EIF2B3: variants seen among roughly 807,000 people sequenced by gnomAD.
EIF2B3 encodes eukaryotic translation initiation factor 2B subunit gamma.
A neutral mutation model predicts 54.1 loss-of-function variants in EIF2B3; 20 were observed. That is an observed-to-expected ratio of 0.37 (90% CI 0.26 to 0.54). EIF2B3 has a LOEUF of 0.54. EIF2B3 is among the 20% of genes least tolerant of loss of function. The probability of loss-of-function intolerance (pLI) is 0.86; values close to 1 mark genes in which losing one functional copy is unlikely to be tolerated. For synonymous variants in EIF2B3, 153 were observed against 188.1 expected (o/e 0.81, Z 1.52); for missense variants, 448 against 547.8 (o/e 0.82, Z 1.82).
chr1:44,877,718 C>A (rs1294100457), intron 8 of EIF2B3, among the ~76,000 whole-genome samples: 18 of 152,176 alleles, frequency 1.2e-4, no homozygotes, highest in Admixed American at 1.2e-3. Context: ...GTATGGGGGG[C>A]TTTGGCTACC....
chr1:44,943,406 A>G (rs1644061083), intron 3 of EIF2B3, among the ~76,000 whole-genome samples: 1 of 150,990 alleles, frequency 6.6e-6, no homozygotes, highest in Non-Finnish European at 1.5e-5. Flanking sequence ...CTATATCTAT[A>G]TCTATATCTA....
chr1:44,879,835 T>G lies in EIF2B3; in HGVS notation c.958A>C (p.Met320Leu). 6.2e-7 allele frequency: 1 copy of G among 1,614,008 alleles called. No individual in the cohort carries two copies. Among genetic ancestry groups the G allele is most frequent in the Non-Finnish European group, 8.5e-7 (1 of 1,180,032 alleles). Reference protein sequence around the residue: ...CSRVSTLGLYMEANRQVPKLL... With the variant: ...CSRVSTLGLYLEANRQVPKLL... ...GCTCTCACCTGTCTGTTTGCTTCCATGTAGAGTCCCAGTGTGCTCACTCGA... is the reference window on the plus strand; with the variant it reads ...GCTCTCACCTGTCTGTTTGCTTCCAGGTAGAGTCCCAGTGTGCTCACTCGA... The change falls in exon 8 of 12, where the codon ATG becomes CTG. Residue 320 changes from methionine (M) to leucine (L), a missense_variant. Met to Leu is a conservative substitution (Grantham distance 15). Around this residue, in one of 3 missense-constraint regions of EIF2B3, gnomAD observed 350 missense variants for 414.2 expected, o/e 0.85. Transcript: ENST00000360403.
intron 1 of EIF2B3, among the ~76,000 whole-genome samples, chr1:44,984,919 G>C (rs951107309): frequency 6.9e-6 from 1 of 144,306 alleles, no homozygotes; most frequent in Non-Finnish European, 1.5e-5. Context: ...CCATTCTCCT[G>C]CCTCAGCCTC....
intron 7 of EIF2B3, among the ~76,000 whole-genome samples, chr1:44,880,877 C>T (rs996847882): frequency 2.0e-5 from 3 of 151,944 alleles, no homozygotes; most frequent in Admixed American, 1.3e-4. Context: ...AGGAGAATGG[C>T]GTGAACCCGG....
chr1:44,914,959 G>T (rs1643592445), intron 5 of EIF2B3, among the ~76,000 whole-genome samples: 1 of 151,738 alleles, frequency 6.6e-6, no homozygotes, highest in Non-Finnish European at 1.5e-5. Context: ...AAAGTGCTGG[G>T]ATTACAGGTG....
chr1:44,899,967 G>A (rs1042294599), intron 5 of EIF2B3, among the ~76,000 whole-genome samples: 5 of 152,188 alleles, frequency 3.3e-5, no homozygotes, highest in Non-Finnish European at 5.9e-5. Context: ...TAAAGAAAAT[G>A]TAGTGCAATA....
At chr1:44,922,518 T>C (rs1430381754) in intron 5 of EIF2B3, among the ~76,000 whole-genome samples, 2 of 135,288 alleles carry the variant, frequency 1.5e-5, no homozygotes, top group Non-Finnish European at 3.0e-5. Flanking sequence ...GCCCGGGAGG[T>C]GGAGGTTGCA....
intron 5 of EIF2B3, among the ~76,000 whole-genome samples, chr1:44,911,176 A>G (rs1172481937): frequency 2.0e-5 from 3 of 152,246 alleles, no homozygotes; most frequent in Non-Finnish European, 4.4e-5. Context: ...TTAGCTTTTA[A>G]CCAGCATCTC....
rs1654243648 is a variant in EIF2B3 at position 44,850,711 on chromosome 1, G to A, written c.*240C>T. 5.3e-6 allele frequency: 3 copies of A among 561,312 alleles called. No homozygotes were observed. The highest frequency in any genetic ancestry group is 1.9e-5 in the African/African-American group (1 of 52,880). The allele number at this position is 561,312 out of a possible 1,614,324, so 34.8% of individuals were successfully genotyped here. ...ATACATCTTGGCACACAAGAGTTAGGCCACTGTATCTGTCCTGTCCCACAC... is the reference window on the plus strand; with the variant it reads ...ATACATCTTGGCACACAAGAGTTAGACCACTGTATCTGTCCTGTCCCACAC... On this transcript the variant is annotated 3_prime_UTR_variant, in exon 12 of 12. Coordinates refer to ENST00000360403, the MANE Select transcript of EIF2B3 (RefSeq NM_020365.5).
At chr1:44,900,379 A>G (rs1643257487) in intron 5 of EIF2B3, among the ~76,000 whole-genome samples, 2 of 141,934 alleles carry the variant, frequency 1.4e-5, no homozygotes, top group South Asian at 5.0e-4. Context: ...CCCGGGAGGT[A>G]GAGGTTGCAG....
chr1:44,902,072 T>C (rs949556845), intron 5 of EIF2B3, among the ~76,000 whole-genome samples: 3 of 152,186 alleles, frequency 2.0e-5, no homozygotes, highest in African/African-American at 4.8e-5. Flanking sequence ...CTTTTCCTGT[T>C]GAGTTGCCTG....
chr1:44,870,424 G>C (rs945978641), intron 10 of EIF2B3, among the ~76,000 whole-genome samples: 4 of 151,824 alleles, frequency 2.6e-5, no homozygotes, highest in Non-Finnish European at 1.5e-5. Context: ...CACTCTTTCC[G>C]TAACTGGAAA....
chr1:44,945,508 C>T (rs535686488), intron 3 of EIF2B3, among the ~76,000 whole-genome samples: 34 of 150,546 alleles, frequency 2.3e-4, no homozygotes, highest in South Asian at 4.2e-4. Context: ...GAGCCGAGAT[C>T]GCGCCACTGC....
At chr1:44,864,663 A>G (rs1313945842) in intron 10 of EIF2B3, among the ~76,000 whole-genome samples, 3 of 152,074 alleles carry the variant, frequency 2.0e-5, no homozygotes, top group Admixed American at 2.0e-4. Flanking sequence ...TAAACTATCC[A>G]TTTTCATTTC....
chr1:44,906,216 G>A (rs563127675), intron 5 of EIF2B3, among the ~76,000 whole-genome samples: 90 of 152,222 alleles, frequency 5.9e-4, no homozygotes, highest in Non-Finnish European at 9.4e-4. Context: ...CTATTTTCTC[G>A]TCTCATGAAT....
chr1:44,904,390 G>C (rs540734925), intron 5 of EIF2B3, among the ~76,000 whole-genome samples: 6 of 152,364 alleles, frequency 3.9e-5, no homozygotes, highest in African/African-American at 1.4e-4. Flanking sequence ...TAAAACCAGA[G>C]ATAACAATTC....
At chr1:44,950,664 A>C (rs1053024478) in intron 3 of EIF2B3, among the ~76,000 whole-genome samples, 1 of 152,152 alleles carries the variant, frequency 6.6e-6, no homozygotes, top group Non-Finnish European at 1.5e-5. Flanking sequence ...TATACATATA[A>C]CTTCAATAAG....
At chr1:44,865,441 C>T (rs1654741574) in intron 10 of EIF2B3, among the ~76,000 whole-genome samples, 1 of 152,062 alleles carries the variant, frequency 6.6e-6, no homozygotes, top group South Asian at 2.1e-4. Flanking sequence ...ATTCTGTAGT[C>T]TGTGCATAGG....
chr1:44,952,129 AT>A (rs1382722414), intron 3 of EIF2B3, among the ~76,000 whole-genome samples: 1 of 135,944 alleles, frequency 7.4e-6, no homozygotes, highest in Non-Finnish European at 1.6e-5. Flanking sequence ...CGCCCGGCTA[AT>A]TTTTTTGTAT....
Sources: allele counts gnomAD v4.1 joint callset (sites outside exome capture counted in the v4.1 genomes callset), GRCh38; gene constraint gnomAD v4.1.1; regional missense constraint gnomAD v4.1.1; transcripts MANE v1.5; gene names NCBI Gene and HGNC (gene_info 2026-07-23, HGNC 2026-07-21).